The following ZNF100 variants were observed in gnomAD, a reference collection of about 807,000 sequenced individuals.
The protein encoded by ZNF100 is zinc finger protein 100 (Y1).
Under a neutral mutation model 15.8 loss-of-function variants are expected in ZNF100, and 12 were observed. The ratio of observed to expected loss-of-function variants is 0.76; its 90% CI spans 0.49 to 1.23. The LOEUF (loss-of-function observed/expected upper bound fraction) is 1.23. ZNF100 is among the 50% of genes most tolerant of loss of function. The pLI is 0.00. For missense variants in ZNF100, 670 were observed against 635.6 expected, an observed-to-expected ratio of 1.05 and a Z score of -0.58; for synonymous variants, 226 against 214.8, an observed-to-expected ratio of 1.05 and a Z score of -0.45.
chr19:21,728,852 CAGTG>C (rs1251175651), intron 4 of ZNF100, among the ~76,000 whole-genome samples: 6 of 150,806 alleles, frequency 4.0e-5, no homozygotes, highest in South Asian at 2.1e-4. Context: ...GAATAATACT[CAGTG>C]AGTGAAACAG....
chr19:21,735,483 C>T (rs1301004530), intron 4 of ZNF100, among the ~76,000 whole-genome samples: 13 of 137,764 alleles, frequency 9.4e-5, no homozygotes, highest in Non-Finnish European at 1.7e-4. Context: ...CCTGGGCGAC[C>T]GTGTAAGACT....
Position 21,725,447 on chromosome 19 carries a change from AATATT to A in ZNF100, c.*1231_*1235del, listed in dbSNP as rs2035761083. Reference sequence around the variant, plus strand: ...TGAATGCCTAACGCACACATTGCTTAATATTATAAGTTAACCATAAAAGTCTCTTC... The same window carrying A: ...TGAATGCCTAACGCACACATTGCTTAATAAGTTAACCATAAAAGTCTCTTC... On this transcript the variant is annotated 3_prime_UTR_variant, in exon 5 of 5. Transcript: ENST00000358296. 6.6e-6 allele frequency: 1 copy of A among 152,258 alleles called. No individual in the cohort carries two copies. Among genetic ancestry groups the A allele is most frequent in the African/African-American group, 2.4e-5 (1 of 41,548 alleles). 9.4% of individuals were successfully genotyped at this position (152,258 alleles called of 1,614,324 possible).
At chr19:21,733,460 A>G (rs569697797) in intron 4 of ZNF100, among the ~76,000 whole-genome samples, 28 of 152,366 alleles carry the variant, frequency 1.8e-4, no homozygotes, top group African/African-American at 6.7e-4. Flanking sequence ...ATACTTCTGG[A>G]AAGTATGCAA....
intron 4 of ZNF100, among the ~76,000 whole-genome samples, chr19:21,740,170 C>G (rs2036083105): frequency 6.6e-6 from 1 of 152,044 alleles, no homozygotes; most frequent in Admixed American, 6.5e-5. Flanking sequence ...AGAAATGAAC[C>G]CTTGTGTATA....
At chr19:21,747,841 G>T (rs1275039706) in intron 2 of ZNF100, among the ~76,000 whole-genome samples, 8 of 152,230 alleles carry the variant, frequency 5.3e-5, no homozygotes, top group Non-Finnish European at 8.8e-5. Flanking sequence ...AGAGCACTGT[G>T]CTGGGCATAA....
chr19:21,766,740 T>C (rs2036569414), intron 1 of ZNF100, among the ~76,000 whole-genome samples: 1 of 152,144 alleles, frequency 6.6e-6, no homozygotes, highest in Non-Finnish European at 1.5e-5. Context: ...ACGCCTGTAA[T>C]CCCAGCACTT....
chr19:21,756,473 A>T (rs1301322694), intron 2 of ZNF100, among the ~76,000 whole-genome samples: 2 of 142,820 alleles, frequency 1.4e-5, no homozygotes, highest in Non-Finnish European at 3.1e-5. Context: ...TCAAAAACAT[A>T]ATGCCATTCA....
chr19:21,750,976 G>C (rs933780528), intron 2 of ZNF100: 10 of 1,055,952 alleles, frequency 9.5e-6, no homozygotes, highest in African/African-American at 1.6e-5. Context: ...TGGCGGTAGC[G>C]CCCGCTTCTG....
chr19:21,743,322 A>T (rs2036152210), intron 4 of ZNF100: 1 of 152,248 alleles, frequency 6.6e-6, no homozygotes, highest in Non-Finnish European at 1.5e-5. Context: ...GAAAGAATAA[A>T]TATTGTTAAA....
chr19:21,745,476 T>C (rs143104967), intron 2 of ZNF100, among the ~76,000 whole-genome samples: 261 of 152,212 alleles, frequency 1.7e-3, no homozygotes, highest in African/African-American at 5.8e-3. Context: ...AGATTTTTTT[T>C]CAGAAGATCT....
chr19:21,760,605 T>C (rs138131749), intron 2 of ZNF100, among the ~76,000 whole-genome samples: 2 of 152,246 alleles, frequency 1.3e-5, no homozygotes, highest in African/African-American at 4.8e-5. Flanking sequence ...GTAACTGCCC[T>C]AAGACTTTGC....
intron 4 of ZNF100, among the ~76,000 whole-genome samples, chr19:21,740,154 G>C (rs1333637702): frequency 6.6e-6 from 1 of 152,094 alleles, no homozygotes; most frequent in Non-Finnish European, 1.5e-5. Context: ...GCAGAATAGA[G>C]AGTTCAGAAA....
At chr19:21,733,094 T>C (rs1005725298) in intron 4 of ZNF100, among the ~76,000 whole-genome samples, 2 of 152,190 alleles carry the variant, frequency 1.3e-5, no homozygotes, top group African/African-American at 4.8e-5. Flanking sequence ...GAGTCCATTA[T>C]GTTGAAGAAC....
intron 2 of ZNF100, among the ~76,000 whole-genome samples, chr19:21,759,709 C>A (rs1027913595): frequency 2.0e-5 from 3 of 152,124 alleles, no homozygotes; most frequent in Non-Finnish European, 4.4e-5. Flanking sequence ...ACTGCTACAC[C>A]CCCACCGGTG....
At chr19:21,728,260 G>A (rs1400926366) in intron 4 of ZNF100, among the ~76,000 whole-genome samples, 1 of 152,026 alleles carries the variant, frequency 6.6e-6, no homozygotes, top group Non-Finnish European at 1.5e-5. Flanking sequence ...ACCCAACAGA[G>A]CTCTTTCTGC....
chr19:21,753,748 T>C (rs1202039821), intron 2 of ZNF100, among the ~76,000 whole-genome samples: 1 of 152,226 alleles, frequency 6.6e-6, no homozygotes, highest in Non-Finnish European at 1.5e-5. Context: ...TCTATATGCA[T>C]TGATCACCGA....
At chr19:21,745,468 A>G (rs1568302682) in intron 2 of ZNF100, among the ~76,000 whole-genome samples, 1 of 151,206 alleles carries the variant, frequency 6.6e-6, no homozygotes, top group Non-Finnish European at 1.5e-5. Flanking sequence ...TCTTGTGCAG[A>G]TTTTTTTTCA....
At chr19:21,759,897 T>C (rs1442074688) in intron 2 of ZNF100, among the ~76,000 whole-genome samples, 1 of 152,186 alleles carries the variant, frequency 6.6e-6, no homozygotes, top group Non-Finnish European at 1.5e-5. Context: ...TTAATAAATG[T>C]ACAGGCCAGG....
chr19:21,745,244 G>C (rs2036191108), intron 2 of ZNF100, among the ~76,000 whole-genome samples, 177 bp from the exon 3 acceptor site: 1 of 152,096 alleles, frequency 6.6e-6, no homozygotes, highest in African/African-American at 2.4e-5. Flanking sequence ...CTCTAATTCT[G>C]AGAGAAGAGA....
Sources: gnomAD v4.1 joint callset for allele counts (sites outside exome capture counted in the v4.1 genomes callset) on GRCh38, gnomAD v4.1.1 for gene constraint, MANE v1.5 for transcripts, NCBI Gene and HGNC (gene_info 2026-07-23, HGNC 2026-07-21) for gene names.